The following BDKRB2 variants were observed in gnomAD, a reference collection of about 807,000 sequenced individuals.
BDKRB2 encodes B2 bradykinin receptor.
In BDKRB2, 6 loss-of-function variants were observed where a neutral mutation model predicts 4.0. That is an observed-to-expected ratio of 1.49 (90% CI 0.81 to 2.93). BDKRB2 has a LOEUF of 2.93. Ranked by LOEUF, BDKRB2 falls within the 30% of genes most tolerant of loss-of-function variation. BDKRB2 has a pLI of 0.00. For missense variants in BDKRB2, 478 were observed against 520.1 expected (o/e 0.92, Z 0.79); for synonymous variants, 225 against 215.3 (o/e 1.05, Z -0.40).
chr14:96,223,018 A>G lies in BDKRB2; in HGVS notation c.-39-14051A>G. On this transcript the variant is annotated intron_variant, in intron 1 of 2. Transcript: ENST00000554311. Reference sequence around the variant, plus strand: ...ACAAACAACTGGAAGTTGGAAGAAAAGACAGTAAGAAATAGCAAGGAAGGG... The same window carrying G: ...ACAAACAACTGGAAGTTGGAAGAAAGGACAGTAAGAAATAGCAAGGAAGGG... 3 of 670,764 alleles carry G rather than the reference A, an allele frequency of 4.5e-6. No individual in the cohort carries two copies. The South Asian group carries it at 5.3e-5, about 12-fold the overall frequency. The allele number at this position is 670,764 out of a possible 1,614,324, so 41.6% of individuals were successfully genotyped here.
Position 96,241,180 on chromosome 14 carries a change from G to T in BDKRB2, c.852G>T (p.Leu284=). The T allele has an allele frequency of 6.2e-7, 1 of 1,605,564 alleles. No homozygotes were observed. Among genetic ancestry groups the T allele is most frequent in the Non-Finnish European group, 8.5e-7 (1 of 1,173,906 alleles). Residue 284 remains leucine, a synonymous_variant, in exon 3 of 3, where the codon CTG becomes CTT. Transcript: ENST00000554311. The part of the protein sequence containing the change: ...VVLLLFIICW[L]PFQISTFLDT... ...TGCTGCTATTCATCATCTGCTGGCTGCCCTTCCAGATCAGCACCTTCCTGG... is the reference window on the plus strand; with the variant it reads ...TGCTGCTATTCATCATCTGCTGGCTTCCCTTCCAGATCAGCACCTTCCTGG...
intron 1 of BDKRB2, among the ~76,000 whole-genome samples, chr14:96,216,954 G>T (rs1566689044): frequency 6.6e-6 from 1 of 152,210 alleles, no homozygotes; most frequent in Non-Finnish European, 1.5e-5. Context: ...AGGGGCTGTG[G>T]CATTGAGTGG....
At position 96,240,686 on chromosome 14, in the gene BDKRB2, A is replaced by G. The variant is rs867353437; in HGVS notation, c.358A>G (p.Asn120Asp). 1.3e-6 allele frequency: 2 copies of G among 1,597,550 alleles called. No individual in the cohort carries two copies. Among genetic ancestry groups the G allele is most frequent in the Middle Eastern group, 3.4e-4 (2 of 5,964 alleles). ...LPFWAITISN[N>D]FDWLFGETLC... ...CTTCTGGGCCATCACCATCTCCAACAACTTCGACTGGCTCTTTGGGGAGAC... is the reference window on the plus strand; with the variant it reads ...CTTCTGGGCCATCACCATCTCCAACGACTTCGACTGGCTCTTTGGGGAGAC... Residue 120 changes from asparagine (N) to aspartate (D), a missense_variant, in exon 3 of 3, where the codon AAC becomes GAC. By Grantham distance (23) the Asn-to-Asp change is conservative. Coordinates refer to ENST00000554311, the MANE Select transcript of BDKRB2 (RefSeq NM_001379692.1).
intron 1 of BDKRB2, among the ~76,000 whole-genome samples, chr14:96,218,394 C>A (rs1207882963): frequency 6.6e-6 from 1 of 152,174 alleles, no homozygotes; most frequent in East Asian, 1.9e-4. Flanking sequence ...CCATCCACTT[C>A]ATAGTGGGAT....
At chr14:96,229,235 G>A (rs1474449700) in intron 1 of BDKRB2, among the ~76,000 whole-genome samples, 1 of 152,124 alleles carries the variant, frequency 6.6e-6, no homozygotes, top group African/African-American at 2.4e-5. Flanking sequence ...ATAGAAGCAG[G>A]AGGCAGGTAG....
chr14:96,220,204 GC>G (rs1351673386), intron 1 of BDKRB2, among the ~76,000 whole-genome samples: 1 of 133,982 alleles, frequency 7.5e-6, no homozygotes, highest in African/African-American at 2.5e-5. Context: ...CCAGGTCCCA[GC>G]CCCCACCCCT....
At chr14:96,225,576 G>C (rs1487812494) in intron 1 of BDKRB2, among the ~76,000 whole-genome samples, 1 of 152,134 alleles carries the variant, frequency 6.6e-6, no homozygotes, top group South Asian at 2.1e-4. Context: ...GGAGCTGAAA[G>C]GGCAATAGTA....
chr14:96,223,232 A>G, intron 1 of BDKRB2: 1 of 1,086,720 alleles, frequency 9.2e-7, no homozygotes, highest in East Asian at 2.3e-5. Context: ...TCTGAATCTG[A>G]ATGGAGGAAT....
At position 96,243,402 on chromosome 14, in the gene BDKRB2, TA is replaced by T. The variant is rs1211125148; in HGVS notation, c.*1899del. On this transcript the variant is annotated 3_prime_UTR_variant, in exon 3 of 3. Transcript: ENST00000554311. Reference sequence around the variant, plus strand: ...GGCTAGAACCTGGAGGGCTAGAACCTAGAAGGGCTAGAACCTGGAGGGCTAG... The same window carrying T: ...GGCTAGAACCTGGAGGGCTAGAACCTGAAGGGCTAGAACCTGGAGGGCTAG... 7.7e-6 allele frequency: 1 copy of T among 130,106 alleles called. No individual in the cohort carries two copies. The highest frequency in any genetic ancestry group is 1.6e-5 in the Non-Finnish European group (1 of 62,492). The allele number at this position is 130,106 out of a possible 1,614,324, so 8.1% of individuals were successfully genotyped here. A position where few individuals can be genotyped will look rare whatever the true frequency, so the allele number is the denominator to read the frequency against.
chr14:96,226,834 C>T (rs543513021), intron 1 of BDKRB2, among the ~76,000 whole-genome samples: 21 of 152,308 alleles, frequency 1.4e-4, no homozygotes, highest in African/African-American at 3.9e-4. Context: ...ACTAATACTC[C>T]AGGATTCTGT....
chr14:96,210,454 G>A (rs974673774), intron 1 of BDKRB2, among the ~76,000 whole-genome samples: 2 of 152,220 alleles, frequency 1.3e-5, no homozygotes, highest in Admixed American at 1.3e-4. Flanking sequence ...CTTTTATGCT[G>A]TACCTGGGGA....
intron 1 of BDKRB2, among the ~76,000 whole-genome samples, chr14:96,211,884 G>A (rs980582470): frequency 1.3e-5 from 2 of 152,206 alleles, no homozygotes; most frequent in Non-Finnish European, 2.9e-5. Flanking sequence ...CTGAAATACT[G>A]TGAGGCTATT....
rs142053211 is a variant in BDKRB2 at position 96,241,133 on chromosome 14, A to T, written c.805A>T (p.Thr269Ser). The T allele has an allele frequency of 3.7e-6, 6 of 1,612,864 alleles. No homozygotes were observed. In the African/African-American group the frequency reaches 4.0e-5, roughly 11 times the overall value. ...GGAGATCCAGACAGAGAGGAGGGCC[A>T]CGGTGCTAGTCCTGGTTGTGCTGCT... is the stretch of plus-strand genomic sequence containing the variant. ...FKEIQTERRA[T>S]VLVLVVLLLF... Residue 269 changes from threonine (T) to serine (S), a missense_variant, in exon 3 of 3, where the codon ACG becomes TCG. Transcript: ENST00000554311.
At chr14:96,213,040 A>G (rs751822156) in intron 1 of BDKRB2, among the ~76,000 whole-genome samples, 14 of 152,156 alleles carry the variant, frequency 9.2e-5, no homozygotes, top group Non-Finnish European at 1.9e-4. Context: ...AACTGGCCCG[A>G]TTGTTCAACA....
At position 96,240,843 on chromosome 14, in the gene BDKRB2, G is replaced by A. The variant is rs201474162; in HGVS notation, c.515G>A (p.Arg172His). 89 of 1,566,050 alleles carry A rather than the reference G, an allele frequency of 5.7e-5. No individual in the cohort carries two copies. The South Asian group carries it at 6.7e-4, about 12-fold the overall frequency. Residue 172 changes from arginine (R) to histidine (H), a missense_variant, in exon 3 of 3, where the codon CGC becomes CAC. By Grantham distance (29) the Arg-to-His change is conservative (BLOSUM62 0). Transcript: ENST00000554311. ...TMSMGRMRGV[R>H]WAKLYSLVIW... The stretch of plus-strand genomic sequence containing the variant: ...TCCATGGGCCGGATGCGCGGCGTGC[G>A]CTGGGCCAAGCTCTACAGCTTGGTG...
At chr14:96,212,454 GAAGA>G (rs1890323930) in intron 1 of BDKRB2, among the ~76,000 whole-genome samples, 1 of 152,002 alleles carries the variant, frequency 6.6e-6, no homozygotes, top group Admixed American at 6.5e-5. Context: ...CAAAAAAGTA[GAAGA>G]AAGAAAAGAA....
At chr14:96,237,025 C>A in intron 1 of BDKRB2, 44 bp from the exon 2 acceptor site, 2 of 1,193,902 alleles carry the variant, frequency 1.7e-6, no homozygotes, top group African/African-American at 1.5e-5. Context: ...ATTTTGCAAT[C>A]CCCAGCCCCT....
intron 1 of BDKRB2, among the ~76,000 whole-genome samples, 170 bp downstream of exon 1, chr14:96,205,129 G>C (rs948505755): frequency 6.6e-6 from 1 of 152,168 alleles, no homozygotes; most frequent in African/African-American, 2.4e-5. Flanking sequence ...ACAGGCGATG[G>C]GGAGAAGGGT....
intron 1 of BDKRB2, chr14:96,233,894 G>A (rs559108171): frequency 4.6e-5 from 7 of 152,310 alleles, no homozygotes; most frequent in African/African-American, 1.7e-4. Flanking sequence ...TCAGAATGTT[G>A]GATGTTCCCT....
Sources: gnomAD v4.1 joint callset for allele counts (sites outside exome capture counted in the v4.1 genomes callset) on GRCh38, gnomAD v4.1.1 for gene constraint, MANE v1.5 for transcripts, NCBI Gene and HGNC (gene_info 2026-07-23, HGNC 2026-07-21) for gene names.